KIRREL3: variants seen among roughly 807,000 people sequenced by gnomAD.
KIRREL3 encodes the protein kin of IRRE-like protein 3.
In KIRREL3, 36 loss-of-function variants were observed where a neutral mutation model predicts 89.7. That is an observed-to-expected ratio of 0.40 (90% CI 0.31 to 0.53). The LOEUF (loss-of-function observed/expected upper bound fraction) is 0.53, where lower values mean the gene tolerates loss of function less well. Ranked by LOEUF, KIRREL3 falls within the 20% of genes least tolerant of loss-of-function variation. The pLI, the probability that KIRREL3 is intolerant of heterozygous loss-of-function variation, is 0.49. For missense variants in KIRREL3, 864 were observed against 1,056.6 expected, an observed-to-expected ratio of 0.82 and a Z score of 2.53; for synonymous variants, 445 against 441.4, an observed-to-expected ratio of 1.01 and a Z score of -0.10.
intron 1 of KIRREL3, among the ~76,000 whole-genome samples, chr11:126,836,722 T>G (rs2134507194): frequency 6.6e-6 from 1 of 152,316 alleles, no homozygotes; most frequent in Admixed American, 6.5e-5. Flanking sequence ...CATCTCCTAG[T>G]GCACAAGGTG....
intron 1 of KIRREL3, among the ~76,000 whole-genome samples, chr11:126,956,167 G>A (rs556675392): frequency 3.3e-5 from 5 of 152,150 alleles, no homozygotes; most frequent in Admixed American, 6.5e-5. Context: ...TCATTCATTC[G>A]TTCACTTACT....
intron 1 of KIRREL3, among the ~76,000 whole-genome samples, chr11:126,863,536 CGT>C (rs1391155567): frequency 3.6e-5 from 4 of 110,398 alleles, no homozygotes; most frequent in East Asian, 2.7e-4. Flanking sequence ...TGTGTGAGTG[CGT>C]GTGAGTGTGT....
intron 2 of KIRREL3, among the ~76,000 whole-genome samples, chr11:126,536,111 C>A (rs562063081): frequency 6.6e-6 from 1 of 151,406 alleles, no homozygotes; most frequent in South Asian, 2.1e-4. Flanking sequence ...GACTCCATCT[C>A]AAAAAAAAAG....
chr11:126,936,130 C>G (rs187732704), intron 1 of KIRREL3: 1 of 152,148 alleles, frequency 6.6e-6, no homozygotes, highest in African/African-American at 2.4e-5. Flanking sequence ...AGCTAATAAG[C>G]ACATAAAAAA....
chr11:126,692,980 G>A (rs1158893064), intron 1 of KIRREL3, among the ~76,000 whole-genome samples: 1 of 152,238 alleles, frequency 6.6e-6, no homozygotes, highest in Non-Finnish European at 1.5e-5. Context: ...AAGCGAGGCT[G>A]TGCTGGTGCT....
At chr11:126,532,531 A>G (rs1958975327) in intron 2 of KIRREL3, among the ~76,000 whole-genome samples, 1 of 152,014 alleles carries the variant, frequency 6.6e-6, no homozygotes, top group South Asian at 2.1e-4. Flanking sequence ...ACCTGCCACC[A>G]TGCCTGGCTA....
intron 1 of KIRREL3, among the ~76,000 whole-genome samples, chr11:126,816,139 T>G (rs2134438913): frequency 6.6e-6 from 1 of 152,392 alleles, no homozygotes; most frequent in South Asian, 2.1e-4. Flanking sequence ...TGTATAAAGA[T>G]AATTGCCGTA....
chr11:126,968,808 G>A (rs1949351857), intron 1 of KIRREL3, among the ~76,000 whole-genome samples: 1 of 152,136 alleles, frequency 6.6e-6, no homozygotes, highest in Non-Finnish European at 1.5e-5. Flanking sequence ...GCTCTGCAGT[G>A]AGAAAGGGGC....
intron 1 of KIRREL3, among the ~76,000 whole-genome samples, chr11:126,787,580 A>C (rs1950520221): frequency 6.6e-6 from 1 of 152,186 alleles, no homozygotes; most frequent in African/African-American, 2.4e-5. Flanking sequence ...TTTTCCTGGA[A>C]AGATAAATTT....
chr11:126,699,443 C>T (rs957365010), intron 1 of KIRREL3, among the ~76,000 whole-genome samples: 38 of 152,140 alleles, frequency 2.5e-4, no homozygotes, highest in African/African-American at 6.0e-4. Flanking sequence ...AAATATAATG[C>T]GAGCTGCAGC....
intron 1 of KIRREL3, among the ~76,000 whole-genome samples, chr11:126,657,655 C>T (rs76689720): frequency 2.5e-4 from 38 of 152,136 alleles, no homozygotes; most frequent in African/African-American, 8.2e-4. Context: ...AGAGACAGTC[C>T]GTCCCCAGCC....
chr11:126,864,573 T>A (rs1276945734), intron 1 of KIRREL3, among the ~76,000 whole-genome samples: 4 of 152,150 alleles, frequency 2.6e-5, no homozygotes, highest in Admixed American at 1.3e-4. Flanking sequence ...TGGTCTTGGG[T>A]AGTCTCCATT....
intron 4 of KIRREL3, among the ~76,000 whole-genome samples, chr11:126,511,167 G>C (rs1958207271): frequency 6.6e-6 from 1 of 151,894 alleles, no homozygotes; most frequent in African/African-American, 2.4e-5. Context: ...GTGGTTTCAA[G>C]AGCTACACAG....
intron 1 of KIRREL3, among the ~76,000 whole-genome samples, chr11:126,621,667 C>A (rs1302850749): frequency 6.6e-6 from 1 of 152,030 alleles, no homozygotes; most frequent in African/African-American, 2.4e-5. Flanking sequence ...CATTGAAACA[C>A]CACATTATTT....
chr11:126,569,440 T>C lies in KIRREL3; in HGVS notation c.56-6528A>G, dbSNP rs375550537. Among the ~76,000 whole-genome samples, 4 of 152,196 alleles carry C rather than the reference T, an allele frequency of 2.6e-5. No individual in the cohort carries two copies. Among genetic ancestry groups the C allele is most frequent in the African/African-American group, 9.6e-5 (4 of 41,536 alleles). On this transcript the variant is annotated intron_variant, in intron 1 of 16. Transcript: ENST00000525144. This position sits in a 1 kb window ranked among gnomAD's most constrained non-coding sequence, Gnocchi z 6.5. The stretch of plus-strand genomic sequence containing the variant: ...CTACCCCTCTGGAACCAGGACACAT[T>C]AATAAATGTGACTGGTGTAAAGTCC...
At position 126,587,931 on chromosome 11, in the gene KIRREL3, A is replaced by G. The variant is rs1400511507; in HGVS notation, c.56-25019T>C. On this transcript the variant is annotated intron_variant, in intron 1 of 16. Coordinates refer to ENST00000525144, the MANE Select transcript of KIRREL3 (RefSeq NM_032531.4). This position sits in a 1 kb window ranked among gnomAD's most constrained non-coding sequence, Gnocchi z 5.2. ...GCTGGGCCCTGGTACAGGGAGGGGC[A>G]GAGGTCTGTCTTTGGAAGGCTTTAG... is the stretch of plus-strand genomic sequence containing the variant. 3.9e-5 allele frequency among the ~76,000 whole-genome samples: 6 copies of G among 152,330 alleles called. No individual in the cohort carries two copies. Among genetic ancestry groups the G allele is most frequent in the Admixed American group, 6.5e-5 (1 of 15,300 alleles).
intron 1 of KIRREL3, among the ~76,000 whole-genome samples, chr11:126,691,559 T>C (rs1056105104): frequency 1.1e-4 from 17 of 152,214 alleles, no homozygotes; most frequent in Non-Finnish European, 2.1e-4. Flanking sequence ...ATACCCTTTG[T>C]AGACGGTTAA....
Position 126,797,309 on chromosome 11 carries a change from A to T in KIRREL3, c.55+203146T>A, listed in dbSNP as rs1347023513. Among the ~76,000 whole-genome samples, 1 of 152,212 alleles carries T rather than the reference A, an allele frequency of 6.6e-6. No individual in the cohort carries two copies. Among genetic ancestry groups the T allele is most frequent in the Non-Finnish European group, 1.5e-5 (1 of 68,038 alleles). ...AATAGACTAATAACAACATTGTTTC[A>T]AAGAGCTGTGTTGAGCATCAAATGC... On this transcript the variant is annotated intron_variant, in intron 1 of 16. Coordinates refer to ENST00000525144, the MANE Select transcript of KIRREL3 (RefSeq NM_032531.4). The surrounding 1 kb of genome is among the most constrained non-coding windows in gnomAD (Gnocchi z 4.9).
In KIRREL3 at chr11:126,918,876, T is replaced by A. The variant is rs991239698; in HGVS notation, c.55+81579A>T. Among the ~76,000 whole-genome samples the A allele has an allele frequency of 7.2e-5, 11 of 152,082 alleles. No individual in the cohort carries two copies. Among genetic ancestry groups the A allele is most frequent in the African/African-American group, 2.7e-4 (11 of 41,418 alleles). On this transcript the variant is annotated intron_variant, in intron 1 of 16. Coordinates refer to ENST00000525144, the MANE Select transcript of KIRREL3 (RefSeq NM_032531.4). The surrounding 1 kb of genome is among the most constrained non-coding windows in gnomAD (Gnocchi z 6.5). ...ACCAGATGGGGAATGTATTGTTACATGTATTTTAACAATGTAACAATATTG... is the reference window on the plus strand; with the variant it reads ...ACCAGATGGGGAATGTATTGTTACAAGTATTTTAACAATGTAACAATATTG...
Sources: gnomAD v4.1 joint callset for allele counts (sites outside exome capture counted in the v4.1 genomes callset) on GRCh38, gnomAD v4.1.1 for gene constraint, Gnocchi (gnomAD v3.1) non-coding constraint, MANE v1.5 for transcripts, NCBI Gene and HGNC (gene_info 2026-07-23, HGNC 2026-07-21) for gene names.